The following ANKRD44 variants were observed in gnomAD, a reference collection of about 807,000 sequenced individuals.
ANKRD44 encodes the protein ankyrin repeat domain 44.
ANKRD44 carries 35 observed loss-of-function variants against 116.0 expected under a neutral mutation model. That is an observed-to-expected ratio of 0.30 (90% CI 0.23 to 0.40). The LOEUF (loss-of-function observed/expected upper bound fraction) is 0.40, where lower values mean the gene tolerates loss of function less well. Among genes scored for constraint, ANKRD44 ranks in the 10% least tolerant of loss-of-function variants. ANKRD44 has a pLI of 1.00. For missense variants in ANKRD44, 1,014 were observed against 1,242.6 expected, an observed-to-expected ratio of 0.82 and a Z score of 2.77; for synonymous variants, 435 against 461.8, an observed-to-expected ratio of 0.94 and a Z score of 0.74.
chr2:197,095,911 A>T (rs958828232), intron 10 of ANKRD44, among the ~76,000 whole-genome samples: 3 of 152,178 alleles, frequency 2.0e-5, no homozygotes, highest in African/African-American at 2.4e-5. Flanking sequence ...GTAATTTTTT[A>T]AAATATTAAT....
intron 10 of ANKRD44, among the ~76,000 whole-genome samples, chr2:197,098,136 A>G (rs2078206156): frequency 6.6e-6 from 1 of 152,116 alleles, no homozygotes; most frequent in East Asian, 1.9e-4. Context: ...GAAAATTAGT[A>G]TCTCTCTCAC....
At chr2:197,179,498 T>C (rs2080451653) in intron 2 of ANKRD44, among the ~76,000 whole-genome samples, 1 of 152,266 alleles carries the variant, frequency 6.6e-6, no homozygotes, top group African/African-American at 2.4e-5. Flanking sequence ...TCCTTTATGT[T>C]TACATGCTCA....
chr2:197,209,433 G>T (rs1196001506), intron 1 of ANKRD44, among the ~76,000 whole-genome samples: 1 of 152,156 alleles, frequency 6.6e-6, no homozygotes, highest in Admixed American at 6.5e-5. Context: ...TCGGAGAAAG[G>T]CCTGACAAAT....
chr2:196,983,096 T>C (rs566903963), downstream of ANKRD44, among the ~76,000 whole-genome samples: 13 of 152,106 alleles, frequency 8.5e-5, no homozygotes, highest in Non-Finnish European at 1.9e-4. Context: ...AAAACCTAGA[T>C]GACGGGTTGA....
chr2:197,243,909 A>C (rs1271165932), intron 1 of ANKRD44, among the ~76,000 whole-genome samples: 1 of 152,230 alleles, frequency 6.6e-6, no homozygotes, highest in African/African-American at 2.4e-5. Flanking sequence ...TTCAAACCAT[A>C]GCAAGGAAGG....
intron 1 of ANKRD44, among the ~76,000 whole-genome samples, chr2:197,232,719 T>C (rs1435141509): frequency 6.6e-6 from 1 of 151,998 alleles, no homozygotes; most frequent in African/African-American, 2.4e-5. Context: ...TGGCAGGGAG[T>C]CCATTTGATC....
chr2:197,112,612 G>T lies in ANKRD44; in HGVS notation c.907-1768C>A, dbSNP rs544397263. On this transcript the variant is annotated intron_variant, in intron 8 of 27. Transcript: ENST00000282272. ...AGTCCTAGCTGCTTGGGAGGCTGAG[G>T]CAGGAGAATGGCGTGAACCCGGGAG... Among the ~76,000 whole-genome samples, 5 of 151,608 alleles carry T rather than the reference G, an allele frequency of 3.3e-5. No individual in the cohort carries two copies. In the East Asian group the frequency reaches 9.8e-4, roughly 30 times the overall value.
At chr2:197,258,111 A>AT (rs1426052092) in intron 1 of ANKRD44, among the ~76,000 whole-genome samples, 1 of 150,202 alleles carries the variant, frequency 6.7e-6, no homozygotes, top group Admixed American at 6.6e-5. Context: ...TTATTCATTT[A>AT]TTTATTTTTG....
intron 16 of ANKRD44, among the ~76,000 whole-genome samples, chr2:197,037,774 C>T (rs539677968): frequency 2.6e-5 from 4 of 152,192 alleles, no homozygotes; most frequent in Admixed American, 2.6e-4. Context: ...CCTGTCTCTA[C>T]AAACAATGAC....
intron 2 of ANKRD44, among the ~76,000 whole-genome samples, chr2:197,153,745 TA>T (rs1296236056): frequency 6.6e-6 from 1 of 152,152 alleles, no homozygotes; most frequent in Non-Finnish European, 1.5e-5. Flanking sequence ...AACTCTAGTT[TA>T]AAAAAATACT....
intron 16 of ANKRD44, among the ~76,000 whole-genome samples, chr2:197,049,029 G>GT (rs894668211): frequency 1.5e-4 from 23 of 151,110 alleles, no homozygotes; most frequent in South Asian, 4.2e-4. Flanking sequence ...TTTTGATGGG[G>GT]TTTTTTTTTC....
At chr2:197,156,831 A>G (rs999848408) in intron 2 of ANKRD44, among the ~76,000 whole-genome samples, 6 of 152,174 alleles carry the variant, frequency 3.9e-5, no homozygotes, top group Admixed American at 3.3e-4. Flanking sequence ...GAGTGAAACA[A>G]GTCGGGCAAA....
chr2:197,032,318 T>C (rs772789411), intron 16 of ANKRD44, among the ~76,000 whole-genome samples: 1 of 151,998 alleles, frequency 6.6e-6, no homozygotes, highest in Non-Finnish European at 1.5e-5. Flanking sequence ...ATTTCTAAAC[T>C]GTGAATTAAT....
intron 16 of ANKRD44, among the ~76,000 whole-genome samples, chr2:197,063,998 G>C (rs532057959): frequency 1.3e-5 from 2 of 152,116 alleles, no homozygotes; most frequent in Admixed American, 1.3e-4. Context: ...ACACATAATT[G>C]TCAGATTCAC....
intron 16 of ANKRD44, among the ~76,000 whole-genome samples, chr2:197,050,081 G>A (rs992500429): frequency 6.6e-6 from 1 of 152,130 alleles, no homozygotes; most frequent in Non-Finnish European, 1.5e-5. Context: ...GTGGCTTCAG[G>A]AACTTACAAT....
At chr2:197,198,848 G>T (rs961877077) in intron 1 of ANKRD44, 1 of 150,180 alleles carries the variant, frequency 6.7e-6, no homozygotes, top group Non-Finnish European at 1.5e-5. Flanking sequence ...CACCTTTAAT[G>T]TAGCAAGGGC....
At chr2:197,115,432 T>A (rs776539097) in intron 8 of ANKRD44, among the ~76,000 whole-genome samples, 1 of 152,232 alleles carries the variant, frequency 6.6e-6, no homozygotes, top group Admixed American at 6.5e-5. Context: ...GTAAAGTATA[T>A]CTTTATTTTA....
At chr2:197,211,940 C>T (rs2697303) in intron 1 of ANKRD44, among the ~76,000 whole-genome samples, 50,221 of 151,678 alleles carry the variant, frequency 0.33, 8,831 homozygotes, top group African/African-American at 0.46. Flanking sequence ...ACTTTGCCCT[C>T]CTCAGGTTTG....
At chr2:197,099,113 C>G (rs562074589) in intron 10 of ANKRD44, among the ~76,000 whole-genome samples, 3 of 152,110 alleles carry the variant, frequency 2.0e-5, no homozygotes, top group Non-Finnish European at 2.9e-5. Flanking sequence ...CTCCTTGAAG[C>G]CTTTTCAGAA....
Sources: allele counts gnomAD v4.1 joint callset (sites outside exome capture counted in the v4.1 genomes callset), GRCh38; gene constraint gnomAD v4.1.1; transcripts MANE v1.5; gene names NCBI Gene and HGNC (gene_info 2026-07-23, HGNC 2026-07-21).